GRIK1: variants seen among roughly 807,000 people sequenced by gnomAD.
GRIK1 encodes glutamate ionotropic receptor kainate type subunit 1, also known as glutamate receptor ionotropic, kainate 1.
In GRIK1, 69 loss-of-function variants were observed where a neutral mutation model predicts 105.7. The observed-to-expected ratio is 0.65, with a 90% CI of 0.54 to 0.80. GRIK1 has a LOEUF of 0.80. GRIK1 is among the 30% of genes least tolerant of loss of function. GRIK1 has a pLI of 0.00. For synonymous variants in GRIK1, 438 were observed against 431.3 expected, an observed-to-expected ratio of 1.02 and a Z score of -0.19; for missense variants, 1,109 against 1,167.3, an observed-to-expected ratio of 0.95 and a Z score of 0.73.
At chr21:29,537,999 C>G (rs1299576277) in intron 16 of GRIK1, 115 bp from the exon 17 acceptor site, 1 of 623,432 alleles carries the variant, frequency 1.6e-6, no homozygotes, top group African/African-American at 1.9e-5. Context: ...TAATGTGGTA[C>G]TGAACTTCAC....
At chr21:29,704,274 C>T (rs2063863993) in intron 1 of GRIK1, among the ~76,000 whole-genome samples, 1 of 152,072 alleles carries the variant, frequency 6.6e-6, no homozygotes, top group Non-Finnish European at 1.5e-5. Context: ...GTGTAGAGTA[C>T]AGAAAAAGAA....
At chr21:29,936,298 A>C (rs1229621670) in intron 1 of GRIK1, among the ~76,000 whole-genome samples, 1 of 152,224 alleles carries the variant, frequency 6.6e-6, no homozygotes, top group African/African-American at 2.4e-5. Flanking sequence ...TATTATAAAT[A>C]TTACACATCT....
intron 1 of GRIK1, among the ~76,000 whole-genome samples, chr21:29,709,149 A>G (rs993216935): frequency 6.6e-6 from 1 of 152,136 alleles, no homozygotes; most frequent in African/African-American, 2.4e-5. Flanking sequence ...TAATTGTCAT[A>G]TAATTTAATT....
At chr21:29,656,677 GA>G (rs1568940611) in intron 4 of GRIK1, among the ~76,000 whole-genome samples, 1 of 152,166 alleles carries the variant, frequency 6.6e-6, no homozygotes, top group Non-Finnish European at 1.5e-5. Flanking sequence ...AAGGTCTGGG[GA>G]AAGACATTGC....
intron 1 of GRIK1, among the ~76,000 whole-genome samples, chr21:29,931,769 T>A (rs113770189): frequency 3.9e-5 from 6 of 152,288 alleles, no homozygotes; most frequent in African/African-American, 1.4e-4. Flanking sequence ...AGCAAGGAAA[T>A]ACATGTGTGT....
intron 1 of GRIK1, among the ~76,000 whole-genome samples, chr21:29,932,328 C>G (rs1037450762): frequency 6.6e-6 from 1 of 152,052 alleles, no homozygotes; most frequent in African/African-American, 2.4e-5. Context: ...TAGTCAATAT[C>G]ATTGCTTGTT....
chr21:29,728,475 C>T (rs2064525921), intron 1 of GRIK1, among the ~76,000 whole-genome samples: 1 of 152,028 alleles, frequency 6.6e-6, no homozygotes. Context: ...CCAAGGGATG[C>T]AGGTGGTGGA....
chr21:29,574,884 C>T (rs531263838), intron 14 of GRIK1, among the ~76,000 whole-genome samples: 6 of 151,318 alleles, frequency 4.0e-5, no homozygotes, highest in Non-Finnish European at 7.4e-5. Flanking sequence ...TTAGTAGAGA[C>T]GGGGTTTCAC....
intron 1 of GRIK1, among the ~76,000 whole-genome samples, chr21:29,918,055 G>A (rs1911393370): frequency 6.6e-6 from 1 of 151,970 alleles, no homozygotes; most frequent in Non-Finnish European, 1.5e-5. Flanking sequence ...ATGGATAAAT[G>A]ATAGATAAAT....
chr21:29,818,423 A>T (rs887755189), intron 1 of GRIK1, among the ~76,000 whole-genome samples: 7 of 152,066 alleles, frequency 4.6e-5, no homozygotes, highest in African/African-American at 1.7e-4. Flanking sequence ...CCCTTTCTAC[A>T]TAAATCCTGG....
At chr21:29,824,861 T>A (rs988289619) in intron 1 of GRIK1, among the ~76,000 whole-genome samples, 6 of 151,920 alleles carry the variant, frequency 3.9e-5, no homozygotes, top group Non-Finnish European at 8.8e-5. Context: ...CTGTGGAGAA[T>A]AGATACAAAG....
At chr21:29,832,911 C>T (rs2067683792) in intron 1 of GRIK1, among the ~76,000 whole-genome samples, 1 of 152,182 alleles carries the variant, frequency 6.6e-6, no homozygotes, top group Admixed American at 6.5e-5. Flanking sequence ...CTCTGCTTCC[C>T]TTTAAAATAT....
At chr21:29,766,902 T>C (rs954714448) in intron 1 of GRIK1, among the ~76,000 whole-genome samples, 2 of 152,238 alleles carry the variant, frequency 1.3e-5, no homozygotes, top group African/African-American at 4.8e-5. Context: ...TGAAAGAAGC[T>C]CTTCAATTGC....
chr21:29,898,094 C>T (rs1263850044), intron 1 of GRIK1, among the ~76,000 whole-genome samples: 3 of 152,190 alleles, frequency 2.0e-5, no homozygotes, highest in Non-Finnish European at 4.4e-5. Flanking sequence ...CATACATGTT[C>T]TAATAATCTG....
chr21:29,847,774 T>C (rs1157755027), intron 1 of GRIK1, among the ~76,000 whole-genome samples: 1 of 152,140 alleles, frequency 6.6e-6, no homozygotes, highest in East Asian at 1.9e-4. Flanking sequence ...CACTTTTCCA[T>C]TGGTTGCATC....
At chr21:29,834,676 A>G (rs970068135) in intron 1 of GRIK1, among the ~76,000 whole-genome samples, 13 of 151,298 alleles carry the variant, frequency 8.6e-5, no homozygotes, top group Non-Finnish European at 1.2e-4. Context: ...TAGCAATAAA[A>G]ATTATACATC....
At chr21:29,757,481 A>G (rs2065380012) in intron 1 of GRIK1, among the ~76,000 whole-genome samples, 1 of 152,256 alleles carries the variant, frequency 6.6e-6, no homozygotes, top group Non-Finnish European at 1.5e-5. Context: ...AAATCTGCCA[A>G]TTTAATTAAC....
In GRIK1 at chr21:29,642,978, G is replaced by A. The variant is rs764651911; in HGVS notation, c.955-9C>T. The A allele has an allele frequency of 8.7e-6, 14 of 1,611,222 alleles. No homozygotes were observed. Among genetic ancestry groups the A allele is most frequent in the Non-Finnish European group, 1.2e-5 (14 of 1,178,384 alleles). On this transcript the variant is annotated splice_polypyrimidine_tract_variant and intron_variant, in intron 6 of 17. Coordinates refer to ENST00000327783, the MANE Select transcript of GRIK1 (RefSeq NM_001330994.2). ...ATCAGAGCCGCTTCAGTCTGTGGAG[G>A]AAAACACACACCGCATCTTAAATTC...
At chr21:29,750,763 A>C (rs527276297) in intron 1 of GRIK1, among the ~76,000 whole-genome samples, 1 of 152,310 alleles carries the variant, frequency 6.6e-6, no homozygotes, top group Admixed American at 6.5e-5. Context: ...ATACTGATAT[A>C]TCAAATAAGA....
Sources: gnomAD v4.1 joint callset for allele counts (sites outside exome capture counted in the v4.1 genomes callset) on GRCh38, gnomAD v4.1.1 for gene constraint, MANE v1.5 for transcripts, NCBI Gene and HGNC (gene_info 2026-07-23, HGNC 2026-07-21) for gene names.